The following TSPAN16 variants were observed in gnomAD, a reference collection of about 807,000 sequenced individuals.
TSPAN16 encodes tetraspanin 16.
TSPAN16 carries 23 observed loss-of-function variants against 25.2 expected under a neutral mutation model. That is an observed-to-expected ratio of 0.91 (90% CI 0.66 to 1.29). TSPAN16 has a LOEUF of 1.29. TSPAN16 is among the 50% of genes most tolerant of loss of function. The pLI is 0.00. For synonymous variants in TSPAN16, 123 were observed against 124.4 expected (o/e 0.99, Z 0.08); for missense variants, 272 against 299.9 (o/e 0.91, Z 0.69).
intron 1 of TSPAN16, 78 bp from the exon 2 acceptor site, chr19:11,298,064 G>A: frequency 2.0e-6 from 3 of 1,481,204 alleles, no homozygotes; most frequent in Non-Finnish European, 9.3e-7. Flanking sequence ...TTACAGGCAT[G>A]AGCCACCGCA....
At chr19:11,299,044 C>A in intron 3 of TSPAN16, 98 bp downstream of exon 3, 2 of 1,252,110 alleles carry the variant, frequency 1.6e-6, no homozygotes, top group Non-Finnish European at 2.3e-6. Flanking sequence ...TTTTGGGAGG[C>A]TGAGTCTGGT....
Position 11,298,911 on chromosome 19 carries a change from A to G in TSPAN16, c.307A>G (p.Thr103Ala). The change falls in exon 3 of 7, where the codon ACA becomes GCA. Residue 103 changes from threonine to alanine, a missense_variant. Transcript: ENST00000590327. ...GGTTATTGTCCTCATCATGGAAGTT[A>G]CAGCTGCCACAGTGGTCCTTCTTTT... is the stretch of plus-strand genomic sequence containing the variant. ...SMVIVLIMEV[T>A]AATVVLLFFP... The G allele has an allele frequency of 6.2e-7, 1 of 1,614,108 alleles. No individual in the cohort carries two copies. Among genetic ancestry groups the G allele is most frequent in the Non-Finnish European group, 8.5e-7 (1 of 1,179,998 alleles).
intron 1 of TSPAN16, among the ~76,000 whole-genome samples, chr19:11,297,482 A>ATTATTTTATTTTATTTTATTTTATT (rs61261243): frequency 0.02 from 2,986 of 147,014 alleles, 136 homozygotes; most frequent in African/African-American, 0.073. Flanking sequence ...GTCCTATGAC[A>ATTATTTTATTTTATTTTATTTTATT]TTATTTTATT....
intron 6 of TSPAN16, chr19:11,324,331 G>A (rs1419611133): frequency 1.3e-5 from 2 of 152,096 alleles, no homozygotes; most frequent in African/African-American, 4.8e-5. Flanking sequence ...CCGATGACAA[G>A]GATTGGGAAA....
At chr19:11,317,682 A>T (rs1438667275), downstream of TSPAN16, among the ~76,000 whole-genome samples, 1 of 151,304 alleles carries the variant, frequency 6.6e-6, no homozygotes, top group Non-Finnish European at 1.5e-5. Context: ...TTTAGTAGAG[A>T]CGGGGTTTCA....
Position 11,298,916 on chromosome 19 carries a change from T to C in TSPAN16, c.312T>C (p.Ala104=), listed in dbSNP as rs1217553217. 43 of 1,614,006 alleles carry C rather than the reference T, an allele frequency of 2.7e-5. No homozygotes were observed. The highest frequency in any genetic ancestry group is 3.6e-5 in the Non-Finnish European group (43 of 1,180,010). The stretch of plus-strand genomic sequence containing the variant: ...TTGTCCTCATCATGGAAGTTACAGC[T>C]GCCACAGTGGTCCTTCTTTTCTTTC... ...MVIVLIMEVT[A]ATVVLLFFPI... Residue 104 remains alanine (A), a synonymous_variant, in exon 3 of 7, where the codon GCT becomes GCC. Coordinates refer to ENST00000590327, the MANE Select transcript of TSPAN16 (RefSeq NM_001282509.2).
At chr19:11,308,719 C>T (rs905468983) in intron 5 of TSPAN16, among the ~76,000 whole-genome samples, 3 of 151,778 alleles carry the variant, frequency 2.0e-5, no homozygotes, top group African/African-American at 4.8e-5. Flanking sequence ...ATGATCCGCC[C>T]GCCTCGGCCT....
chr19:11,325,213 G>A (rs764372753), intron 6 of TSPAN16: 39 of 553,184 alleles, frequency 7.1e-5, no homozygotes, highest in East Asian at 1.5e-4. Context: ...GCCTCCCACC[G>A]GGGCTGCCTG....
At chr19:11,313,291 C>T (rs2080712344) in intron 6 of TSPAN16, among the ~76,000 whole-genome samples, 1 of 152,054 alleles carries the variant, frequency 6.6e-6, no homozygotes, top group African/African-American at 2.4e-5. Context: ...AGGCAGGCGG[C>T]TCACGAGGTG....
chr19:11,297,543 C>T (rs150078686), intron 1 of TSPAN16, among the ~76,000 whole-genome samples: 3,576 of 147,902 alleles, frequency 0.024, 55 homozygotes, highest in Non-Finnish European at 0.037. Context: ...GTCACCCAGG[C>T]TGGAGTGCAG....
chr19:11,301,444 A>C (rs2080548183), intron 4 of TSPAN16, 136 bp downstream of exon 4: 1 of 590,208 alleles, frequency 1.7e-6, no homozygotes, highest in African/African-American at 1.9e-5. Flanking sequence ...GTTTGAGACC[A>C]GCTGAGCCAA....
rs771486767 is a variant in TSPAN16, at chr19:11,298,213, C to T, written c.141C>T (p.Leu47=). 34 of 1,614,028 alleles carry T rather than the reference C, an allele frequency of 2.1e-5. No homozygotes were observed. Among genetic ancestry groups the T allele is most frequent in the Middle Eastern group, 3.3e-4 (2 of 6,084 alleles). The change falls in exon 2 of 7, where the codon CTC becomes CTT. Residue 47 remains leucine, a synonymous_variant. Coordinates refer to ENST00000590327, the MANE Select transcript of TSPAN16 (RefSeq NM_001282509.2). The stretch of plus-strand genomic sequence containing the variant: ...GAGGGGCCTCTCTGACGAATGTCCT[C>T]GGGCTGTCCTCCGCATACCTCCTTC... ...KCGGASLTNV[L]GLSSAYLLHV...
chr19:11,326,610 CT>C (rs899257592), intron 6 of TSPAN16, among the ~76,000 whole-genome samples: 1 of 152,096 alleles, frequency 6.6e-6, no homozygotes, highest in Non-Finnish European at 1.5e-5. Flanking sequence ...TTTTCCATTG[CT>C]TTTTTTAAAA....
At chr19:11,315,284 G>A (rs895146812) in intron 6 of TSPAN16, among the ~76,000 whole-genome samples, 32 of 143,740 alleles carry the variant, frequency 2.2e-4, no homozygotes, top group African/African-American at 3.4e-4. Flanking sequence ...TAGGCCAGGC[G>A]CGGTGGCTCA....
At chr19:11,299,881 G>A (rs774944463) in intron 3 of TSPAN16, among the ~76,000 whole-genome samples, 22 of 152,072 alleles carry the variant, frequency 1.4e-4, no homozygotes, top group Non-Finnish European at 2.8e-4. Context: ...GGAGGCTGAG[G>A]CAGGAGAATC....
At position 11,296,443 on chromosome 19, in the gene TSPAN16, A is replaced by C. The variant is rs117576679; in HGVS notation, c.69+77A>C. 1.6e-3 allele frequency: 2,373 copies of C among 1,482,834 alleles called. 64 individuals carry two copies. In the East Asian group the frequency reaches 0.048, roughly 30 times the overall value. 91.9% of individuals were successfully genotyped at this position (1,482,834 alleles called of 1,614,324 possible). A position where few individuals can be genotyped will look rare whatever the true frequency, so the allele number is the denominator to read the frequency against. The stretch of plus-strand genomic sequence containing the variant: ...GTCAGCTCCCTGAAAGACAGAAATA[A>C]GTTGATCCAAATTGGCATCGAGATC... On this transcript the variant is annotated intron_variant, in intron 1 of 6. Transcript: ENST00000590327.
At chr19:11,316,516 A>G (rs975781246), downstream of TSPAN16, among the ~76,000 whole-genome samples, 1 of 152,178 alleles carries the variant, frequency 6.6e-6, no homozygotes, top group African/African-American at 2.4e-5. Context: ...TCAACAATGC[A>G]AAGATTGACA....
chr19:11,325,589 G>C lies in TSPAN16; in HGVS notation c.688-1205G>C. ...CTGGCTTCAAAGAACTCGAAACCTG[G>C]ATGAATGTTAAGGTGGGGACACTCG... On this transcript the variant is annotated intron_variant, in intron 6 of 6. Transcript: ENST00000316737. 4 of 1,600,392 alleles carry C rather than the reference G, an allele frequency of 2.5e-6. 1 individual carries two copies. The highest frequency in any genetic ancestry group is 3.3e-4 in the Middle Eastern group (2 of 6,040).
chr19:11,302,247 G>A (rs1042705844), intron 4 of TSPAN16, among the ~76,000 whole-genome samples: 2 of 151,780 alleles, frequency 1.3e-5, no homozygotes, highest in African/African-American at 4.8e-5. Flanking sequence ...CCCATGAAAC[G>A]CTCACTCCAC....
Sources: allele counts gnomAD v4.1 joint callset (sites outside exome capture counted in the v4.1 genomes callset), GRCh38; gene constraint gnomAD v4.1.1; transcripts MANE v1.5; gene names NCBI Gene and HGNC (gene_info 2026-07-23, HGNC 2026-07-21).